Variants in RNF216 observed in about 807,000 individuals in gnomAD.
RNF216 encodes E3 ubiquitin-protein ligase RNF216.
A neutral mutation model predicts 110.8 loss-of-function variants in RNF216; 72 were observed. The ratio of observed to expected loss-of-function variants is 0.65; its 90% confidence interval spans 0.54 to 0.79. The LOEUF (loss-of-function observed/expected upper bound fraction) is 0.79, where lower values mean the gene tolerates loss of function less well. Ranked by LOEUF, RNF216 falls within the 30% of genes least tolerant of loss-of-function variation. The probability of loss-of-function intolerance (pLI) is 0.00; values close to 1 mark genes in which losing one functional copy is unlikely to be tolerated. For missense variants in RNF216, 1,342 were observed against 1,141.2 expected (o/e 1.18, Z -2.54); for synonymous variants, 495 against 407.5 (o/e 1.21, Z -2.59).
chr7:5,642,032 T>TA (rs1201078083), intron 14 of RNF216, among the ~76,000 whole-genome samples: 5,272 of 98,062 alleles, frequency 0.054, 192 homozygotes, highest in Middle Eastern at 0.077. Context: ...GACTCTATCT[T>TA]AAAAAAAAAA....
chr7:5,748,860 G>C (rs144419531), intron 3 of RNF216, among the ~76,000 whole-genome samples: 4 of 152,266 alleles, frequency 2.6e-5, no homozygotes, highest in African/African-American at 9.6e-5. Flanking sequence ...TGTTGTTCAA[G>C]TGTAAACTGT....
chr7:5,771,174 T>C (rs77261483), intron 1 of RNF216, among the ~76,000 whole-genome samples: 1 of 152,184 alleles, frequency 6.6e-6, no homozygotes, highest in Non-Finnish European at 1.5e-5. Context: ...ACATGACCTT[T>C]CTACTATATG....
At chr7:5,730,097 T>G (rs550579867) in intron 6 of RNF216, among the ~76,000 whole-genome samples, 118 of 152,324 alleles carry the variant, frequency 7.7e-4, no homozygotes, top group Middle Eastern at 3.4e-3. Flanking sequence ...AGATGTATAG[T>G]ATACGCTGTA....
At chr7:5,713,705 T>C (rs1756345774) in intron 11 of RNF216, among the ~76,000 whole-genome samples, 1 of 152,202 alleles carries the variant, frequency 6.6e-6, no homozygotes, top group Admixed American at 6.5e-5. Flanking sequence ...ACATGAGGAA[T>C]GCTTCCCACA....
At chr7:5,776,959 A>G (rs1256977696) in intron 1 of RNF216, among the ~76,000 whole-genome samples, 6 of 151,858 alleles carry the variant, frequency 4.0e-5, no homozygotes, top group African/African-American at 1.2e-4. Flanking sequence ...AAAGAAAGAA[A>G]GAAAGAAAAA....
chr7:5,710,314 C>T (rs1188816384), intron 13 of RNF216, among the ~76,000 whole-genome samples: 1 of 151,338 alleles, frequency 6.6e-6, no homozygotes, highest in Non-Finnish European at 1.5e-5. Flanking sequence ...GAGCTGAGAT[C>T]GTGCCACTGC....
intron 14 of RNF216, among the ~76,000 whole-genome samples, chr7:5,642,516 ATTTTT>A (rs889280380): frequency 2.0e-5 from 3 of 149,948 alleles, no homozygotes; most frequent in African/African-American, 7.4e-5. Context: ...TGCCTGGCCT[ATTTTT>A]TTTGAGACTC....
chr7:5,661,404 T>C (rs1789129427), intron 13 of RNF216, among the ~76,000 whole-genome samples: 2 of 152,214 alleles, frequency 1.3e-5, no homozygotes, highest in Admixed American at 6.5e-5. Context: ...TGAGACCTGC[T>C]AGGACTGAAA....
intron 1 of RNF216, among the ~76,000 whole-genome samples, chr7:5,764,325 G>C (rs1305424165): frequency 6.6e-6 from 1 of 151,568 alleles, no homozygotes; most frequent in Non-Finnish European, 1.5e-5. Flanking sequence ...TCATAAGGTA[G>C]AACTACCAGA....
chr7:5,764,484 C>T (rs983288921), intron 1 of RNF216, among the ~76,000 whole-genome samples: 1 of 151,690 alleles, frequency 6.6e-6, no homozygotes, highest in Admixed American at 6.6e-5. Context: ...GCCGTCTCTA[C>T]TAAAAATACA....
chr7:5,767,708 C>T (rs761222819), intron 1 of RNF216, among the ~76,000 whole-genome samples: 2 of 151,684 alleles, frequency 1.3e-5, no homozygotes, highest in Non-Finnish European at 2.9e-5. Context: ...AAGCCATTTT[C>T]CTGCCTCAGC....
At chr7:5,686,247 A>AT (rs1252029290) in intron 13 of RNF216, among the ~76,000 whole-genome samples, 2 of 151,104 alleles carry the variant, frequency 1.3e-5, no homozygotes, top group African/African-American at 4.9e-5. Flanking sequence ...AAAAAAAAAA[A>AT]ATGGAGCGTG....
intron 9 of RNF216, among the ~76,000 whole-genome samples, chr7:5,719,371 C>G (rs1793270341): frequency 6.6e-6 from 1 of 152,094 alleles, no homozygotes; most frequent in African/African-American, 2.4e-5. Flanking sequence ...TGGAGCTCCT[C>G]TGTCAAAAAA....
At chr7:5,752,058 G>A (rs1049169232) in intron 3 of RNF216, among the ~76,000 whole-genome samples, 19 of 151,938 alleles carry the variant, frequency 1.3e-4, no homozygotes, top group Admixed American at 2.6e-4. Flanking sequence ...GGTGGCGGGC[G>A]CCTGTAATCC....
chr7:5,720,388 T>C (rs1000593407), intron 9 of RNF216, among the ~76,000 whole-genome samples: 1 of 152,212 alleles, frequency 6.6e-6, no homozygotes, highest in African/African-American at 2.4e-5. Flanking sequence ...TAACGTTTTC[T>C]CTAGCTTACC....
chr7:5,734,226 G>A (rs556046206), intron 5 of RNF216, among the ~76,000 whole-genome samples: 1 of 152,124 alleles, frequency 6.6e-6, no homozygotes, highest in African/African-American at 2.4e-5. Context: ...AAAGTAGATG[G>A]AAAATTTCAT....
intron 3 of RNF216, among the ~76,000 whole-genome samples, chr7:5,746,415 C>T (rs1175618608): frequency 6.6e-6 from 1 of 152,106 alleles, no homozygotes; most frequent in African/African-American, 2.4e-5. Flanking sequence ...AATGTGGGTG[C>T]AACTCCATTT....
At chr7:5,627,112 A>AC (rs1180769735) in intron 15 of RNF216, among the ~76,000 whole-genome samples, 1 of 152,196 alleles carries the variant, frequency 6.6e-6, no homozygotes, top group African/African-American at 2.4e-5. Context: ...ACAAGGGGGT[A>AC]CCTCAGGAAT....
At chr7:5,735,385 C>G (rs1452799107) in intron 5 of RNF216, among the ~76,000 whole-genome samples, 2 of 152,064 alleles carry the variant, frequency 1.3e-5, no homozygotes, top group Non-Finnish European at 2.9e-5. Flanking sequence ...TTCCCAAGAA[C>G]TTAACATATC....
Sources: gnomAD v4.1 joint callset for allele counts (sites outside exome capture counted in the v4.1 genomes callset) on GRCh38, gnomAD v4.1.1 for gene constraint, MANE v1.5 for transcripts, NCBI Gene and HGNC (gene_info 2026-07-23, HGNC 2026-07-21) for gene names.